Variants in CDH4 observed in about 807,000 individuals in gnomAD.
CDH4 encodes cadherin-4.
In CDH4, 33 loss-of-function variants were observed where a neutral mutation model predicts 86.0. That is an observed-to-expected ratio of 0.38 (90% CI 0.29 to 0.51). The LOEUF (loss-of-function observed/expected upper bound fraction) is 0.51, where lower values mean the gene tolerates loss of function less well. CDH4 is among the 20% of genes least tolerant of loss of function. The pLI, the probability that CDH4 is intolerant of heterozygous loss-of-function variation, is 0.86. For synonymous variants in CDH4, 555 were observed against 549.4 expected, an observed-to-expected ratio of 1.01 and a Z score of -0.14; for missense variants, 1,114 against 1,307.4, an observed-to-expected ratio of 0.85 and a Z score of 2.28.
At chr20:61,583,389 G>A (rs2086446614) in intron 2 of CDH4, among the ~76,000 whole-genome samples, 1 of 152,154 alleles carries the variant, frequency 6.6e-6, no homozygotes, top group Non-Finnish European at 1.5e-5. Context: ...CTGGGTGCTT[G>A]CCTGTCCCTG....
At position 61,754,649 on chromosome 20, in the gene CDH4, A is replaced by G. The variant is rs2145959054; in HGVS notation, c.396+10860A>G. On this transcript the variant is annotated intron_variant, in intron 3 of 15. Coordinates refer to ENST00000614565, the MANE Select transcript of CDH4 (RefSeq NM_001794.5). The surrounding 1 kb of genome is among the most constrained non-coding windows in gnomAD (Gnocchi z 4.7). Reference sequence around the variant, plus strand: ...CACACCACACACACACGCCCCACACACCACACGCACACACGCCCCGCACAC... The same window carrying G: ...CACACCACACACACACGCCCCACACGCCACACGCACACACGCCCCGCACAC... Among the ~76,000 whole-genome samples, 1 of 147,876 alleles carries G rather than the reference A, an allele frequency of 6.8e-6. No individual in the cohort carries two copies. The highest frequency in any genetic ancestry group is 1.5e-5 in the Non-Finnish European group (1 of 66,934).
intron 2 of CDH4, among the ~76,000 whole-genome samples, chr20:61,668,904 C>T (rs73915315): frequency 0.011 from 1,673 of 152,316 alleles, 33 homozygotes; most frequent in African/African-American, 0.037. Flanking sequence ...CACCAGCACC[C>T]GCCTGTTCTC....
At chr20:61,302,547 G>A (rs1412918713) in intron 2 of CDH4, among the ~76,000 whole-genome samples, 1 of 151,656 alleles carries the variant, frequency 6.6e-6, no homozygotes, top group Middle Eastern at 3.2e-3. Context: ...TCTGACTGAG[G>A]TTGGGGGTGG....
At chr20:61,343,007 A>G (rs1301085786) in intron 2 of CDH4, among the ~76,000 whole-genome samples, 1 of 152,184 alleles carries the variant, frequency 6.6e-6, no homozygotes, top group Non-Finnish European at 1.5e-5. Context: ...CCTACGGCCC[A>G]ATGCTCTCAA....
At chr20:61,739,862 A>T (rs2088312201) in intron 2 of CDH4, among the ~76,000 whole-genome samples, 1 of 152,226 alleles carries the variant, frequency 6.6e-6, no homozygotes, top group African/African-American at 2.4e-5. Flanking sequence ...TCTCCAGCCG[A>T]CGCCTCAGGC....
chr20:61,275,305 T>TG (rs2123151111), intron 2 of CDH4, among the ~76,000 whole-genome samples: 1 of 108,660 alleles, frequency 9.2e-6, no homozygotes, highest in African/African-American at 3.7e-5. Flanking sequence ...GTGCGCAGTT[T>TG]GGGGGAGCAC....
intron 11 of CDH4, among the ~76,000 whole-genome samples, chr20:61,927,807 G>A (rs1366928765): frequency 2.0e-5 from 3 of 152,226 alleles, no homozygotes; most frequent in East Asian, 1.9e-4. Flanking sequence ...GCCACACCCC[G>A]CTGTGTGCGT....
intron 4 of CDH4, among the ~76,000 whole-genome samples, chr20:61,831,973 G>T (rs1308865961): frequency 1.3e-5 from 2 of 152,170 alleles, no homozygotes; most frequent in Admixed American, 6.5e-5. Flanking sequence ...GAGCCTGCCT[G>T]CATCCACTTC....
At chr20:61,634,342 G>A (rs2086925210) in intron 2 of CDH4, among the ~76,000 whole-genome samples, 1 of 152,200 alleles carries the variant, frequency 6.6e-6, no homozygotes, top group South Asian at 2.1e-4. Context: ...TGAAACAAAG[G>A]GAGGATGAGA....
intron 2 of CDH4, among the ~76,000 whole-genome samples, chr20:61,621,213 G>A (rs1343416040): frequency 2.0e-5 from 3 of 152,188 alleles, no homozygotes; most frequent in Admixed American, 6.5e-5. Flanking sequence ...AATGGACCGC[G>A]GTTCCGGTCA....
chr20:61,850,470 A>G (rs374636240), intron 5 of CDH4, among the ~76,000 whole-genome samples: 165 of 152,244 alleles, frequency 1.1e-3, no homozygotes, highest in African/African-American at 3.7e-3. Flanking sequence ...CACAATTAAG[A>G]TAGGAGGAAA....
At chr20:61,536,084 ATGGCCCAGTGAG>A (rs1271563738) in intron 2 of CDH4, among the ~76,000 whole-genome samples, 2 of 152,138 alleles carry the variant, frequency 1.3e-5, no homozygotes, top group Non-Finnish European at 2.9e-5. Context: ...GACCATGGGA[ATGGCCCAGTGAG>A]TGGCCCAGGC....
chr20:61,652,090 A>G (rs2145817117), intron 2 of CDH4, among the ~76,000 whole-genome samples: 1 of 152,338 alleles, frequency 6.6e-6, no homozygotes, highest in Middle Eastern at 3.4e-3. Context: ...GAGGAGGAAG[A>G]GTGAGCCAGG....
At chr20:61,565,265 G>GCTGGTCCTCTTGGTGTTGGTT (rs2086274969) in intron 2 of CDH4, among the ~76,000 whole-genome samples, 1 of 21,742 alleles carries the variant, frequency 4.6e-5, no homozygotes, top group African/African-American at 4.2e-4. Flanking sequence ...TGATGGTGGT[G>GCTGGTCCTCTTGGTGTTGGTT]GTGGTCCTCT....
chr20:61,364,223 T>C (rs1253435494), intron 2 of CDH4, among the ~76,000 whole-genome samples: 1 of 152,150 alleles, frequency 6.6e-6, no homozygotes, highest in East Asian at 1.9e-4. Flanking sequence ...TCTGATCCAG[T>C]GGCCAGGCAC....
chr20:61,389,886 G>A (rs552737793), intron 2 of CDH4, among the ~76,000 whole-genome samples: 117 of 151,068 alleles, frequency 7.7e-4, no homozygotes, highest in Non-Finnish European at 1.2e-3. Context: ...GATTGAGATC[G>A]TGCGGTCATA....
chr20:61,727,123 A>G (rs1600918994), intron 2 of CDH4, among the ~76,000 whole-genome samples: 2 of 152,094 alleles, frequency 1.3e-5, no homozygotes, highest in African/African-American at 2.4e-5. Context: ...CGTTGCCATC[A>G]TCATCACCAT....
At chr20:61,387,826 C>T (rs2084960606) in intron 2 of CDH4, among the ~76,000 whole-genome samples, 1 of 152,160 alleles carries the variant, frequency 6.6e-6, no homozygotes, top group Non-Finnish European at 1.5e-5. Context: ...GTGGCCCTGC[C>T]CCTTCCTTCC....
chr20:61,816,635 A>T (rs1038753091), intron 4 of CDH4, among the ~76,000 whole-genome samples: 1 of 150,732 alleles, frequency 6.6e-6, no homozygotes. Flanking sequence ...AGCCACCCTA[A>T]GGCAGGCGGG....
Sources: gnomAD v4.1 joint callset for allele counts (sites outside exome capture counted in the v4.1 genomes callset) on GRCh38, gnomAD v4.1.1 for gene constraint, Gnocchi (gnomAD v3.1) non-coding constraint, MANE v1.5 for transcripts, NCBI Gene and HGNC (gene_info 2026-07-23, HGNC 2026-07-21) for gene names.